Variants in HEMK2 observed in about 807,000 individuals in gnomAD.
HEMK2 encodes the protein methyltransferase HEMK2.
chr21:28,667,201 C>A, the HEMK2 span, among the ~76,000 whole-genome samples: 4 of 152,198 alleles, frequency 2.6e-5, no homozygotes, highest in East Asian at 7.7e-4. Context: ...TCTCCCTGTG[C>A]GAGCTGTATC....
chr21:28,728,559 G>C, the HEMK2 span, among the ~76,000 whole-genome samples: 1 of 152,112 alleles, frequency 6.6e-6, no homozygotes, highest in East Asian at 1.9e-4. Flanking sequence ...GATGTAGAGG[G>C]AATGATTAAA....
the HEMK2 span, among the ~76,000 whole-genome samples, chr21:28,854,229 C>T: frequency 6.6e-6 from 1 of 152,140 alleles, no homozygotes; most frequent in African/African-American, 2.4e-5. Flanking sequence ...CCTCTAATCA[C>T]CAATGCATCA....
chr21:28,838,709 G>A, the HEMK2 span, among the ~76,000 whole-genome samples: 1 of 151,456 alleles, frequency 6.6e-6, no homozygotes, highest in African/African-American at 2.4e-5. Context: ...GGAGGCCGAG[G>A]CAGGCAGATC....
the HEMK2 span, among the ~76,000 whole-genome samples, chr21:28,596,491 A>G: frequency 1.3e-5 from 2 of 152,184 alleles, no homozygotes; most frequent in Non-Finnish European, 2.9e-5. Context: ...GAATCTGACT[A>G]TGATATGTAT....
At chr21:28,580,257 T>G in the HEMK2 span, among the ~76,000 whole-genome samples, 1 of 152,096 alleles carries the variant, frequency 6.6e-6, no homozygotes, top group Non-Finnish European at 1.5e-5. Context: ...AGAAAGAACC[T>G]AGAAATGTAC....
At chr21:28,810,157 AC>A in the HEMK2 span, among the ~76,000 whole-genome samples, 1 of 152,102 alleles carries the variant, frequency 6.6e-6, no homozygotes, top group African/African-American at 2.4e-5. Flanking sequence ...TCTTGGGGAA[AC>A]TATCTCTGGT....
At chr21:28,838,972 AATATATATATATATAT>A in the HEMK2 span, among the ~76,000 whole-genome samples, 19 of 29,158 alleles carry the variant, frequency 6.5e-4, 2 homozygotes, top group East Asian at 0.011. Flanking sequence ...AAAAAAAAAA[AATATATATATATATAT>A]ATATATATAT....
chr21:28,878,472 T>C, the HEMK2 span: 3 of 853,998 alleles, frequency 3.5e-6, no homozygotes, highest in South Asian at 1.7e-5. Flanking sequence ...TCAAGTTGAA[T>C]CTAAGTTTCA....
chr21:28,862,463 C>T, the HEMK2 span, among the ~76,000 whole-genome samples: 1 of 140,660 alleles, frequency 7.1e-6, no homozygotes, highest in Non-Finnish European at 1.5e-5. Flanking sequence ...CAAGGTGAAA[C>T]CCCGTCTCTA....
At chr21:28,630,758 A>C in the HEMK2 span, among the ~76,000 whole-genome samples, 1 of 122,134 alleles carries the variant, frequency 8.2e-6, no homozygotes, top group Non-Finnish European at 1.6e-5. Context: ...GAAGGGGAAC[A>C]TCACATTCTG....
chr21:28,796,563 T>G, the HEMK2 span, among the ~76,000 whole-genome samples: 1,237 of 152,328 alleles, frequency 8.1e-3, 18 homozygotes, highest in African/African-American at 0.029. Context: ...AATAAACTAT[T>G]GACGGATGAG....
the HEMK2 span, among the ~76,000 whole-genome samples, chr21:28,853,259 G>A: frequency 3.7e-3 from 564 of 152,176 alleles, 4 homozygotes; most frequent in African/African-American, 0.012. Flanking sequence ...TTTCCAGCTC[G>A]CTCACAGTGG....
the HEMK2 span, among the ~76,000 whole-genome samples, chr21:28,673,549 T>A: frequency 9.6e-6 from 1 of 104,276 alleles, no homozygotes; most frequent in East Asian, 3.7e-4. Context: ...GAAAAATGCA[T>A]AAAATGAATA....
At chr21:28,864,852 T>TAGATAGAC in the HEMK2 span, among the ~76,000 whole-genome samples, 1 of 135,758 alleles carries the variant, frequency 7.4e-6, no homozygotes, top group Non-Finnish European at 1.6e-5. Context: ...GATAGATAGA[T>TAGATAGAC]AGATAGATAG....
At chr21:28,682,904 G>C in the HEMK2 span, among the ~76,000 whole-genome samples, 18 of 152,120 alleles carry the variant, frequency 1.2e-4, no homozygotes, top group African/African-American at 4.3e-4. Context: ...GCCTGTGTAG[G>C]GGGAGCGGGG....
chr21:28,762,865 T>C, the HEMK2 span, among the ~76,000 whole-genome samples: 12 of 152,244 alleles, frequency 7.9e-5, no homozygotes, highest in African/African-American at 2.2e-4. Context: ...ATCCGTCATA[T>C]GGTGTTATAG....
At chr21:28,883,373 G>C in the HEMK2 span, among the ~76,000 whole-genome samples, 1 of 152,084 alleles carries the variant, frequency 6.6e-6, no homozygotes. Flanking sequence ...GTTAATCTAG[G>C]GTTGGAAATA....
the HEMK2 span, among the ~76,000 whole-genome samples, chr21:28,632,703 A>G: frequency 6.6e-6 from 1 of 152,186 alleles, no homozygotes; most frequent in Admixed American, 6.5e-5. Context: ...AAAAAGTTAT[A>G]TTTATAGAAA....
At chr21:28,818,508 C>T in the HEMK2 span, among the ~76,000 whole-genome samples, 15 of 152,160 alleles carry the variant, frequency 9.9e-5, no homozygotes, top group African/African-American at 1.7e-4. Context: ...CTAATACAGA[C>T]AGGAATATAG....
Sources: allele counts gnomAD v4.1 joint callset (sites outside exome capture counted in the v4.1 genomes callset), GRCh38; gene constraint gnomAD v4.1.1; transcripts MANE v1.5; gene names NCBI Gene and HGNC (gene_info 2026-07-23, HGNC 2026-07-21).